The following ALG6 variants were observed in gnomAD, a reference collection of about 807,000 sequenced individuals.
ALG6 encodes the protein dolichyl pyrophosphate Man9GlcNAc2 alpha-1,3-glucosyltransferase.
ALG6 carries 46 observed loss-of-function variants against 66.6 expected under a neutral mutation model. That is an observed-to-expected ratio of 0.69 (90% CI 0.55 to 0.88). The LOEUF (loss-of-function observed/expected upper bound fraction) is 0.88, where lower values mean the gene tolerates loss of function less well. Among genes scored for constraint, ALG6 ranks in the 40% least tolerant of loss-of-function variants. The pLI, the probability that ALG6 is intolerant of heterozygous loss-of-function variation, is 0.00. For synonymous variants in ALG6, 185 were observed against 203.7 expected (o/e 0.91, Z 0.78); for missense variants, 505 against 586.8 (o/e 0.86, Z 1.44).
At position 63,437,204 on chromosome 1, in the gene ALG6, C is replaced by A; in HGVS notation, c.*184C>A. 1 of 572,414 alleles carries A rather than the reference C, an allele frequency of 1.7e-6. No homozygotes were observed. The highest frequency in any genetic ancestry group is 3.1e-6 in the Non-Finnish European group (1 of 327,342). 35.5% of individuals were successfully genotyped at this position (572,414 alleles called of 1,614,324 possible). Reference sequence around the variant, plus strand: ...AATAAATGTATATGGAGACCAAAGACCAATGGAGGCTTGTCTAAGTACTGC... The same window carrying A: ...AATAAATGTATATGGAGACCAAAGAACAATGGAGGCTTGTCTAAGTACTGC... On this transcript the variant is annotated 3_prime_UTR_variant, in exon 15 of 15. Coordinates refer to ENST00000263440, the MANE Select transcript of ALG6 (RefSeq NM_013339.4).
At chr1:63,384,774 A>G (rs1228096022) in intron 2 of ALG6, among the ~76,000 whole-genome samples, 1 of 152,186 alleles carries the variant, frequency 6.6e-6, no homozygotes, top group African/African-American at 2.4e-5. Context: ...TTTGTCAAAA[A>G]TGAGTTCACT....
At chr1:63,370,575 A>G (rs1295767104) in intron 1 of ALG6, among the ~76,000 whole-genome samples, 196 bp from the exon 2 acceptor site, 1 of 152,136 alleles carries the variant, frequency 6.6e-6, no homozygotes, top group Non-Finnish European at 1.5e-5. Context: ...GTCCCATTTA[A>G]TAGGGAGATC....
At chr1:63,382,295 C>T (rs977582648) in intron 2 of ALG6, among the ~76,000 whole-genome samples, 3 of 150,860 alleles carry the variant, frequency 2.0e-5, no homozygotes, top group Admixed American at 6.6e-5. Flanking sequence ...TCTGCCTCCC[C>T]GGTTCAAGCA....
At chr1:63,418,645 G>T (rs1016444399) in intron 11 of ALG6, among the ~76,000 whole-genome samples, 1 of 152,114 alleles carries the variant, frequency 6.6e-6, no homozygotes, top group African/African-American at 2.4e-5. Context: ...TTGGAGAATG[G>T]ACTATCAGGA....
At chr1:63,408,908 TA>T in intron 7 of ALG6, among the ~76,000 whole-genome samples, 1 of 152,184 alleles carries the variant, frequency 6.6e-6, no homozygotes, top group East Asian at 1.9e-4. Context: ...GCCTCCTAAG[TA>T]GCTGGGATTA....
At chr1:63,401,277 AG>A (rs1644463864) in intron 3 of ALG6, among the ~76,000 whole-genome samples, 1 of 152,206 alleles carries the variant, frequency 6.6e-6, no homozygotes. Flanking sequence ...GATGATTAAT[AG>A]GTTATTTGAT....
intron 7 of ALG6, 49 bp from the exon 8 acceptor site, chr1:63,411,097 T>C: frequency 6.3e-7 from 1 of 1,598,886 alleles, no homozygotes; most frequent in Non-Finnish European, 8.6e-7. Context: ...TTTTAAAAGC[T>C]CTATCTTTTT....
intron 12 of ALG6, among the ~76,000 whole-genome samples, chr1:63,427,537 C>A (rs574658098): frequency 6.0e-4 from 91 of 152,138 alleles, no homozygotes; most frequent in African/African-American, 2.1e-3. Flanking sequence ...CTAGATGATA[C>A]CTGCAAAGAG....
chr1:63,392,909 T>A (rs1648712523), intron 2 of ALG6, among the ~76,000 whole-genome samples: 1 of 152,226 alleles, frequency 6.6e-6, no homozygotes, highest in Non-Finnish European at 1.5e-5. Context: ...TTGAAGTAGG[T>A]CAGACTCTGG....
At chr1:63,404,143 A>G (rs1459805539) in intron 4 of ALG6, among the ~76,000 whole-genome samples, 2 of 152,192 alleles carry the variant, frequency 1.3e-5, no homozygotes, top group African/African-American at 4.8e-5. Flanking sequence ...ATTGCTTTTT[A>G]TAAAGTATGT....
At chr1:63,432,029 T>A (rs1217333129) in intron 14 of ALG6, among the ~76,000 whole-genome samples, 1 of 152,182 alleles carries the variant, frequency 6.6e-6, no homozygotes, top group African/African-American at 2.4e-5. Flanking sequence ...CTAGGACCTA[T>A]AAGACAGTGT....
chr1:63,405,300 G>T (rs1449296344), intron 5 of ALG6, among the ~76,000 whole-genome samples: 1 of 151,982 alleles, frequency 6.6e-6, no homozygotes, highest in Non-Finnish European at 1.5e-5. Flanking sequence ...TGATTATTTG[G>T]CTTCTGAACC....
At chr1:63,408,596 A>G (rs1644501592) in intron 7 of ALG6, among the ~76,000 whole-genome samples, 1 of 152,150 alleles carries the variant, frequency 6.6e-6, no homozygotes. Context: ...AGTTGTTTTT[A>G]GCAGCATGTA....
chr1:63,433,228 A>C lies in ALG6; in HGVS notation c.1327-3595A>C, dbSNP rs780804405. On this transcript the variant is annotated intron_variant, in intron 14 of 14. Transcript: ENST00000263440. This position sits in a 1 kb window ranked among gnomAD's most constrained non-coding sequence, Gnocchi z 4.2. ...AGTGCTGGGATTACAGGCGTGAGCT[A>C]CCGCGCCCAGCCCAACAGGCTATAC... is the stretch of plus-strand genomic sequence containing the variant. Among the ~76,000 whole-genome samples the C allele has an allele frequency of 6.6e-5, 10 of 152,228 alleles. No homozygotes were observed. The highest frequency in any genetic ancestry group is 1.2e-4 in the Non-Finnish European group (8 of 68,044).
chr1:63,410,845 A>C (rs1431971151), intron 7 of ALG6, among the ~76,000 whole-genome samples: 1 of 152,180 alleles, frequency 6.6e-6, no homozygotes, highest in Non-Finnish European at 1.5e-5. Flanking sequence ...GAAGTAATCT[A>C]ACAGAAACAA....
At position 63,402,156 on chromosome 1, in the gene ALG6, T is replaced by C. The variant is rs972623857; in HGVS notation, c.168-98T>C. On this transcript the variant is annotated intron_variant, in intron 3 of 14. Transcript: ENST00000263440. ...TAGCTTAATAATTAGTAAATTACATTATTAAGCTTAGATAAGTGAGGTGCA... is the reference window on the plus strand; with the variant it reads ...TAGCTTAATAATTAGTAAATTACATCATTAAGCTTAGATAAGTGAGGTGCA... 3.8e-6 allele frequency: 3 copies of C among 796,346 alleles called. No individual in the cohort carries two copies. In the African/African-American group the frequency reaches 5.1e-5, roughly 14 times the overall value. 49.3% of individuals were successfully genotyped at this position (796,346 alleles called of 1,614,324 possible).
At chr1:63,420,915 A>G (rs1368079495) in intron 12 of ALG6, among the ~76,000 whole-genome samples, 1 of 151,990 alleles carries the variant, frequency 6.6e-6, no homozygotes, top group African/African-American at 2.4e-5. Context: ...CCAGCTAATC[A>G]TATCATTAAA....
intron 2 of ALG6, among the ~76,000 whole-genome samples, chr1:63,392,738 G>T (rs1033719424): frequency 3.9e-5 from 6 of 152,128 alleles, no homozygotes; most frequent in Non-Finnish European, 7.4e-5. Flanking sequence ...TTATGTAAAT[G>T]AATTTGTAGA....
intron 12 of ALG6, among the ~76,000 whole-genome samples, chr1:63,426,057 G>C: frequency 6.6e-6 from 1 of 152,234 alleles, no homozygotes. Context: ...TGAGAGGGAA[G>C]ATCTATGTAT....
Sources: allele counts gnomAD v4.1 joint callset (sites outside exome capture counted in the v4.1 genomes callset), GRCh38; gene constraint gnomAD v4.1.1; non-coding constraint Gnocchi (gnomAD v3.1); transcripts MANE v1.5; gene names NCBI Gene and HGNC (gene_info 2026-07-23, HGNC 2026-07-21).